Variants in DACH1 observed in about 807,000 individuals in gnomAD.
The protein encoded by DACH1 is dachshund family transcription factor 1, also known as dachshund homolog 1.
Under a neutral mutation model 54.2 loss-of-function variants are expected in DACH1, and 12 were observed. The observed-to-expected ratio is 0.22, with a 90% CI of 0.14 to 0.36. The LOEUF (loss-of-function observed/expected upper bound fraction) is 0.36. Among genes scored for constraint, DACH1 ranks in the 10% least tolerant of loss-of-function variants. The pLI is 1.00. For synonymous variants in DACH1, 386 were observed against 366.2 expected (o/e 1.05, Z -0.62); for missense variants, 805 against 929.8 (o/e 0.87, Z 1.75).
At chr13:71,836,944 T>C (rs1001920647) in intron 1 of DACH1, among the ~76,000 whole-genome samples, 2 of 151,990 alleles carry the variant, frequency 1.3e-5, no homozygotes, top group Non-Finnish European at 2.9e-5. Flanking sequence ...GCCTGTCATA[T>C]ATTAGGTGCA....
chr13:71,443,727 C>A (rs1048779055), intron 10 of DACH1, among the ~76,000 whole-genome samples: 2 of 151,472 alleles, frequency 1.3e-5, no homozygotes, highest in Non-Finnish European at 2.9e-5. Context: ...AGGGATTTTA[C>A]CTCTTTGGCC....
chr13:71,770,383 G>T (rs1885802930), intron 1 of DACH1, among the ~76,000 whole-genome samples: 1 of 151,426 alleles, frequency 6.6e-6, no homozygotes, highest in South Asian at 2.1e-4. Flanking sequence ...AGACTATTTT[G>T]TCACCTCTTT....
At chr13:71,616,294 C>T (rs1056254238) in intron 3 of DACH1, among the ~76,000 whole-genome samples, 2 of 152,080 alleles carry the variant, frequency 1.3e-5, no homozygotes, top group South Asian at 2.1e-4. Context: ...GGAAATGATG[C>T]ATGCATGAAC....
At chr13:71,855,516 G>A (rs1873944922) in intron 1 of DACH1, among the ~76,000 whole-genome samples, 1 of 151,984 alleles carries the variant, frequency 6.6e-6, no homozygotes, top group Admixed American at 6.6e-5. Context: ...ACATAGCATA[G>A]TACAGAAATG....
intron 1 of DACH1, among the ~76,000 whole-genome samples, chr13:71,743,284 A>G (rs142296040): frequency 6.6e-6 from 1 of 152,142 alleles, no homozygotes; most frequent in Non-Finnish European, 1.5e-5. Flanking sequence ...TGTGGAACAG[A>G]GTGGGGGGAA....
intron 1 of DACH1, among the ~76,000 whole-genome samples, chr13:71,793,438 C>G (rs1169015716): frequency 6.6e-6 from 1 of 152,224 alleles, no homozygotes; most frequent in Non-Finnish European, 1.5e-5. Flanking sequence ...CCTTCCAAGT[C>G]TCCAGATTCC....
In DACH1 at chr13:71,681,927, A is replaced by T. The variant is rs752472722; in HGVS notation, c.849-17T>A. On this transcript the variant is annotated splice_polypyrimidine_tract_variant and intron_variant, in intron 1 of 10. Coordinates refer to ENST00000613252, the MANE Select transcript of DACH1 (RefSeq NM_080759.6). The stretch of plus-strand genomic sequence containing the variant: ...GGTCTAGAACTGAAACAAACAAACA[A>T]AAAATTTTTACAATTAAGCTATTGT... The T allele has an allele frequency of 4.6e-6, 7 of 1,534,604 alleles. No homozygotes were observed. In the African/African-American group the frequency reaches 5.5e-5, roughly 12 times the overall value.
chr13:71,853,458 G>T (rs188592829), intron 1 of DACH1, among the ~76,000 whole-genome samples: 120 of 152,176 alleles, frequency 7.9e-4, no homozygotes, highest in Non-Finnish European at 1.6e-3. Flanking sequence ...ACAGGATAAG[G>T]TTACTTTTGA....
intron 6 of DACH1, among the ~76,000 whole-genome samples, chr13:71,493,280 T>C (rs1055682876): frequency 5.9e-5 from 9 of 152,116 alleles, no homozygotes; most frequent in Non-Finnish European, 1.3e-4. Flanking sequence ...GAGACAGCCC[T>C]GTGGAGACGT....
At chr13:71,496,565 G>A (rs1002857111) in intron 6 of DACH1, among the ~76,000 whole-genome samples, 10 of 151,782 alleles carry the variant, frequency 6.6e-5, no homozygotes, top group African/African-American at 2.2e-4. Context: ...TCAGAAGGGT[G>A]TGGGAATGGG....
chr13:71,832,742 A>G (rs1475639959), intron 1 of DACH1, among the ~76,000 whole-genome samples: 1 of 151,988 alleles, frequency 6.6e-6, no homozygotes, highest in East Asian at 1.9e-4. Context: ...AAAATGTAAG[A>G]GAAGGCATGA....
chr13:71,835,182 A>G (rs1888737042), intron 1 of DACH1, among the ~76,000 whole-genome samples: 1 of 152,064 alleles, frequency 6.6e-6, no homozygotes, highest in African/African-American at 2.4e-5. Flanking sequence ...TGAAATGGTA[A>G]CCACCAGTCT....
At chr13:71,684,473 A>C (rs973035156) in intron 1 of DACH1, among the ~76,000 whole-genome samples, 4 of 152,024 alleles carry the variant, frequency 2.6e-5, no homozygotes, top group Admixed American at 6.6e-5. Flanking sequence ...GTCTCCTATT[A>C]CACTGTCTTT....
intron 3 of DACH1, among the ~76,000 whole-genome samples, chr13:71,579,202 A>G (rs1885714370): frequency 1.3e-5 from 2 of 152,180 alleles, no homozygotes; most frequent in South Asian, 4.1e-4. Flanking sequence ...CATTGTTTAT[A>G]ACATAATACT....
intron 2 of DACH1, among the ~76,000 whole-genome samples, chr13:71,638,058 T>A (rs1877617258): frequency 1.3e-5 from 2 of 152,218 alleles, no homozygotes; most frequent in Non-Finnish European, 2.9e-5. Context: ...ATGGGTTATA[T>A]CCAAGAGATG....
Position 71,775,127 on chromosome 13 carries a change from C to CTTTT in DACH1, c.848+90791_848+90794dup, listed in dbSNP as rs767902341. ...GAGCAAGACTCCATCTCAACACAAGCTTTTTTTTTTTTTTTTTTTTTTTTT... is the reference window on the plus strand; with the variant it reads ...GAGCAAGACTCCATCTCAACACAAGCTTTTTTTTTTTTTTTTTTTTTTTTTTTTT... On this transcript the variant is annotated intron_variant, in intron 1 of 10. Coordinates refer to ENST00000613252, the MANE Select transcript of DACH1 (RefSeq NM_080759.6). 8.7e-4 allele frequency among the ~76,000 whole-genome samples: 47 copies of CTTTT among 54,026 alleles called. 4 individuals carry two copies. The highest frequency in any genetic ancestry group is 2.5e-3 in the African/African-American group (33 of 12,954). 35.4% of individuals were successfully genotyped at this position (54,026 alleles called of 152,430 possible). A position where few individuals can be genotyped will look rare whatever the true frequency, so the allele number is the denominator to read the frequency against.
At chr13:71,607,347 C>T (rs138533103) in intron 3 of DACH1, among the ~76,000 whole-genome samples, 16 of 152,010 alleles carry the variant, frequency 1.1e-4, no homozygotes, top group Admixed American at 2.6e-4. Context: ...AAACATTCTA[C>T]CTTATATGCT....
chr13:71,765,025 G>A (rs1439003119), intron 1 of DACH1, among the ~76,000 whole-genome samples: 4 of 152,096 alleles, frequency 2.6e-5, no homozygotes, highest in Non-Finnish European at 5.9e-5. Flanking sequence ...TACCCAGAAA[G>A]TTCCATTCAT....
chr13:71,675,993 TA>T (rs574972005), intron 2 of DACH1, among the ~76,000 whole-genome samples: 10 of 152,026 alleles, frequency 6.6e-5, no homozygotes, highest in East Asian at 5.8e-4. Context: ...CATTAAACTA[TA>T]AAAAAAATAC....
Sources: allele counts gnomAD v4.1 joint callset (sites outside exome capture counted in the v4.1 genomes callset), GRCh38; gene constraint gnomAD v4.1.1; transcripts MANE v1.5; gene names NCBI Gene and HGNC (gene_info 2026-07-23, HGNC 2026-07-21).